The following C8A variants were observed in gnomAD, a reference collection of about 807,000 sequenced individuals.
The protein encoded by C8A is complement C8 alpha chain.
C8A carries 67 observed loss-of-function variants against 65.3 expected under a neutral mutation model. The observed-to-expected ratio is 1.03, with a 90% CI of 0.84 to 1.26. The LOEUF (loss-of-function observed/expected upper bound fraction) is 1.26. Among genes scored for constraint, C8A ranks in the 50% most tolerant of loss-of-function variants. C8A has a pLI of 0.00. For synonymous variants in C8A, 290 were observed against 259.4 expected, an observed-to-expected ratio of 1.12 and a Z score of -1.13; for missense variants, 781 against 723.9, an observed-to-expected ratio of 1.08 and a Z score of -0.90.
intron 5 of C8A, 60 bp downstream of exon 5, chr1:56,881,694 C>T: frequency 6.7e-7 from 1 of 1,490,652 alleles, no homozygotes; most frequent in Non-Finnish European, 9.3e-7. Context: ...GAGGCAGAGG[C>T]CTATTTGTGG....
At chr1:56,859,122 T>C (rs1644005651) in intron 1 of C8A, among the ~76,000 whole-genome samples, 1 of 152,214 alleles carries the variant, frequency 6.6e-6, no homozygotes, top group Admixed American at 6.5e-5. Flanking sequence ...CTTTGGAGTC[T>C]TTGTTGGTTT....
chr1:56,865,374 G>A (rs188185613), intron 1 of C8A, among the ~76,000 whole-genome samples: 39 of 152,312 alleles, frequency 2.6e-4, no homozygotes, highest in Admixed American at 2.3e-3. Flanking sequence ...TACTTCTTCG[G>A]TTAACAGGTG....
intron 7 of C8A, among the ~76,000 whole-genome samples, chr1:56,905,283 C>A (rs1259220861): frequency 1.3e-5 from 2 of 152,086 alleles, no homozygotes; most frequent in Admixed American, 6.5e-5. Context: ...GAGATGACAA[C>A]CTCTTCTTTC....
At chr1:56,862,492 G>A (rs376795116) in intron 1 of C8A, among the ~76,000 whole-genome samples, 2 of 152,150 alleles carry the variant, frequency 1.3e-5, no homozygotes, top group East Asian at 1.9e-4. Flanking sequence ...ACAATATGGT[G>A]TATGCAGTTC....
chr1:56,912,901 G>A (rs1052177357), intron 10 of C8A, among the ~76,000 whole-genome samples: 1 of 152,130 alleles, frequency 6.6e-6, no homozygotes, highest in Admixed American at 6.5e-5. Flanking sequence ...GTTTCCTAGG[G>A]CTACCATAAC....
intron 1 of C8A, among the ~76,000 whole-genome samples, chr1:56,867,263 C>G (rs946680452): frequency 6.6e-6 from 1 of 152,138 alleles, no homozygotes; most frequent in East Asian, 1.9e-4. Context: ...GGTTAAGATT[C>G]AAACCCAATC....
intron 7 of C8A, among the ~76,000 whole-genome samples, chr1:56,898,961 C>T (rs1484781383): frequency 6.6e-6 from 1 of 152,112 alleles, no homozygotes; most frequent in Non-Finnish European, 1.5e-5. Flanking sequence ...TCTGGGACAG[C>T]CCAGCAGGTC....
chr1:56,857,862 A>G (rs568432744), intron 1 of C8A, among the ~76,000 whole-genome samples: 4 of 152,142 alleles, frequency 2.6e-5, no homozygotes, highest in African/African-American at 7.2e-5. Flanking sequence ...TGTCTTTCTT[A>G]TAGTCCAATT....
chr1:56,906,162 G>A (rs369012597), intron 7 of C8A, among the ~76,000 whole-genome samples: 33 of 152,180 alleles, frequency 2.2e-4, no homozygotes, highest in South Asian at 1.5e-3. Context: ...AGAGAACATC[G>A]GTAGCTCTGA....
chr1:56,875,835 G>T (rs1001679603), intron 3 of C8A, among the ~76,000 whole-genome samples: 19 of 152,066 alleles, frequency 1.2e-4, no homozygotes, highest in Admixed American at 3.3e-4. Flanking sequence ...AGATTACTGG[G>T]GGCTGCAATG....
chr1:56,894,606 A>T (rs1162314039), intron 7 of C8A, among the ~76,000 whole-genome samples: 1 of 152,166 alleles, frequency 6.6e-6, no homozygotes, highest in Non-Finnish European at 1.5e-5. Flanking sequence ...ATGTCTAAAA[A>T]GCTACAGGGA....
At chr1:56,877,130 G>A (rs941797728) in intron 4 of C8A, among the ~76,000 whole-genome samples, 5 of 152,148 alleles carry the variant, frequency 3.3e-5, no homozygotes, top group South Asian at 2.1e-4. Context: ...GCGAAAAGGC[G>A]GCTGTCTTTG....
In C8A at chr1:56,908,026, C is replaced by A. The variant is rs757671432; in HGVS notation, c.1293C>A (p.Ser431Arg). The A allele has an allele frequency of 4.3e-6, 7 of 1,613,958 alleles. No individual in the cohort carries two copies. The highest frequency in any genetic ancestry group is 5.9e-6 in the Non-Finnish European group (7 of 1,180,006). Reference sequence around the variant, plus strand: ...TGCGAGGTGGCAGTTCTGGCTGGAGCGGTGGCTTGGCACAGAACAGGAGCA... The same window carrying A: ...TGCGAGGTGGCAGTTCTGGCTGGAGAGGTGGCTTGGCACAGAACAGGAGCA... ...SRVRGGSSGW[S>R]GGLAQNRSTI... The change falls in exon 9 of 11, where the codon AGC becomes AGA. Residue 431 changes from serine to arginine, a missense_variant. Coordinates refer to ENST00000361249, the MANE Select transcript of C8A (RefSeq NM_000562.3).
intron 7 of C8A, among the ~76,000 whole-genome samples, chr1:56,902,663 C>A (rs115849737): frequency 1.3e-5 from 2 of 152,180 alleles, no homozygotes; most frequent in Non-Finnish European, 2.9e-5. Context: ...TTGCCCCCAG[C>A]CCCTGGCAAC....
intron 4 of C8A, among the ~76,000 whole-genome samples, chr1:56,881,123 TG>T (rs1411304507): frequency 6.6e-6 from 1 of 152,176 alleles, no homozygotes; most frequent in Non-Finnish European, 1.5e-5. Context: ...TTACCTAAAG[TG>T]GCCCATAAGC....
intron 10 of C8A, among the ~76,000 whole-genome samples, chr1:56,917,190 A>G (rs1202079620): frequency 6.6e-6 from 1 of 152,210 alleles, no homozygotes; most frequent in Non-Finnish European, 1.5e-5. Flanking sequence ...CAAGGCAGTG[A>G]GCACAGAGGT....
At chr1:56,884,888 T>G (rs1644277031) in intron 6 of C8A, among the ~76,000 whole-genome samples, 2 of 152,226 alleles carry the variant, frequency 1.3e-5, no homozygotes, top group Non-Finnish European at 2.9e-5. Flanking sequence ...TAATGCATTC[T>G]ACTATAGGCA....
chr1:56,917,791 T>C lies in C8A; in HGVS notation c.*75T>C, dbSNP rs1644565856. 1.9e-6 allele frequency: 3 copies of C among 1,560,938 alleles called. No homozygotes were observed. Among genetic ancestry groups the C allele is most frequent in the Non-Finnish European group, 1.8e-6 (2 of 1,136,266 alleles). On this transcript the variant is annotated 3_prime_UTR_variant, in exon 11 of 11. Coordinates refer to ENST00000361249, the MANE Select transcript of C8A (RefSeq NM_000562.3). ...ACTGACTATTGGATAAAGACTTCTT[T>C]CAACTAAGAGAAGATGCAAATCAGC...
chr1:56,916,080 C>T (rs1644548764), intron 10 of C8A, among the ~76,000 whole-genome samples: 1 of 152,216 alleles, frequency 6.6e-6, no homozygotes, highest in Non-Finnish European at 1.5e-5. Flanking sequence ...CCCAGACGTG[C>T]CTCTCCATGG....
Sources: allele counts gnomAD v4.1 joint callset (sites outside exome capture counted in the v4.1 genomes callset), GRCh38; gene constraint gnomAD v4.1.1; transcripts MANE v1.5; gene names NCBI Gene and HGNC (gene_info 2026-07-23, HGNC 2026-07-21).